RAPGEF1: variants seen among roughly 807,000 people sequenced by gnomAD.
RAPGEF1 encodes the protein CRK SH3-binding GNRP.
A neutral mutation model predicts 143.3 loss-of-function variants in RAPGEF1; 33 were observed. The ratio of observed to expected loss-of-function variants is 0.23; its 90% CI spans 0.17 to 0.31. RAPGEF1 has a LOEUF of 0.31. Ranked by LOEUF, RAPGEF1 falls within the 10% of genes least tolerant of loss-of-function variation. The pLI is 1.00. For synonymous variants in RAPGEF1, 629 were observed against 676.5 expected, an observed-to-expected ratio of 0.93 and a Z score of 1.09; for missense variants, 1,199 against 1,645.4, an observed-to-expected ratio of 0.73 and a Z score of 4.69.
At chr9:131,671,942 T>G (rs1361874988) in intron 1 of RAPGEF1, among the ~76,000 whole-genome samples, 1 of 152,224 alleles carries the variant, frequency 6.6e-6, no homozygotes, top group Non-Finnish European at 1.5e-5. Context: ...AAGGCTAATA[T>G]CGTTTCACGA....
chr9:131,608,386 T>A (rs1456177745), intron 12 of RAPGEF1, among the ~76,000 whole-genome samples: 1 of 152,206 alleles, frequency 6.6e-6, no homozygotes, highest in Non-Finnish European at 1.5e-5. Context: ...ACTGTATTAA[T>A]TAAGGTGTCT....
chr9:131,645,121 G>A (rs942021222), intron 3 of RAPGEF1, among the ~76,000 whole-genome samples: 12 of 152,176 alleles, frequency 7.9e-5, no homozygotes, highest in Non-Finnish European at 1.6e-4. Flanking sequence ...GAGGCTGGGC[G>A]CTTACTTTTC....
At chr9:131,633,352 C>CA (rs1965465667) in intron 5 of RAPGEF1, among the ~76,000 whole-genome samples, 1 of 152,120 alleles carries the variant, frequency 6.6e-6, no homozygotes, top group Non-Finnish European at 1.5e-5. Context: ...CGCCAGGCCC[C>CA]AAAGAGGAGC....
intron 1 of RAPGEF1, among the ~76,000 whole-genome samples, chr9:131,697,411 C>T (rs1049549850): frequency 6.6e-6 from 1 of 152,232 alleles, no homozygotes; most frequent in Non-Finnish European, 1.5e-5. Context: ...ACAGGACCTG[C>T]CTCCTGCTTT....
At chr9:131,582,018 T>C (rs1017426982) in intron 25 of RAPGEF1, among the ~76,000 whole-genome samples, 1 of 152,230 alleles carries the variant, frequency 6.6e-6, no homozygotes, top group African/African-American at 2.4e-5. Context: ...TACTAGTATA[T>C]ACTAAAGGCT....
At chr9:131,596,486 C>G in intron 16 of RAPGEF1, 113 bp from the exon 17 acceptor site, 1 of 1,055,132 alleles carries the variant, frequency 9.5e-7, no homozygotes, top group Non-Finnish European at 1.4e-6. Context: ...CCCCAAGTCC[C>G]CTCTCCTTCT....
chr9:131,650,906 C>T lies in RAPGEF1; in HGVS notation c.105G>A (p.Met35Ile). 6.2e-7 allele frequency: 1 copy of T among 1,613,920 alleles called. No homozygotes were observed. Among genetic ancestry groups the T allele is most frequent in the Non-Finnish European group, 8.5e-7 (1 of 1,179,816 alleles). The change falls in exon 2 of 27, where the codon ATG (methionine) becomes ATA (isoleucine). Residue 35 changes from methionine (M) to isoleucine (I), a missense_variant. This residue lies in a region of RAPGEF1 where 613 missense variants were observed against 710.9 expected (regional missense o/e 0.86). Coordinates refer to ENST00000683357, the MANE Select transcript of RAPGEF1 (RefSeq NM_001377935.1). The surrounding 1 kb of genome is among the most constrained non-coding windows in gnomAD (Gnocchi z 4.7). ...TGATTTTGGGTGAGTGGAATTTGTC[C>T]ATCAGCTTCATGGTGAAGGAAGAGA... ...SHLSSFTMKL[M>I]DKFHSPKIKR... is the part of the protein sequence containing the mutation.
chr9:131,687,632 G>A (rs756218227), intron 1 of RAPGEF1, among the ~76,000 whole-genome samples: 12 of 152,174 alleles, frequency 7.9e-5, no homozygotes, highest in Admixed American at 6.5e-5. Flanking sequence ...GGAAACGCAT[G>A]GAGGCAATGC....
At chr9:131,586,257 A>ACACAC (rs1952745410) in intron 22 of RAPGEF1, among the ~76,000 whole-genome samples, 38 of 91,416 alleles carry the variant, frequency 4.2e-4, no homozygotes, top group South Asian at 1.1e-3. Context: ...CTCTGTCTCA[A>ACACAC]ACACACACAC....
intron 24 of RAPGEF1, among the ~76,000 whole-genome samples, chr9:131,582,916 G>C (rs1952093266): frequency 1.3e-5 from 2 of 152,198 alleles, no homozygotes; most frequent in South Asian, 4.1e-4. Flanking sequence ...CCCAACCCCT[G>C]GTCACAGGGG....
intron 1 of RAPGEF1, among the ~76,000 whole-genome samples, chr9:131,709,280 A>G (rs1002972125): frequency 4.6e-5 from 7 of 152,156 alleles, no homozygotes; most frequent in Non-Finnish European, 1.0e-4. Flanking sequence ...TGGGAGGCGG[A>G]GGTTGCAGCG....
intron 1 of RAPGEF1, among the ~76,000 whole-genome samples, chr9:131,659,667 A>G: frequency 6.6e-6 from 1 of 152,180 alleles, no homozygotes; most frequent in Admixed American, 6.5e-5. Context: ...CCGTGTGTAA[A>G]GCATGTAGCC....
At chr9:131,699,445 T>C (rs1174306426) in intron 1 of RAPGEF1, among the ~76,000 whole-genome samples, 1 of 152,096 alleles carries the variant, frequency 6.6e-6, no homozygotes, top group Admixed American at 6.5e-5. Flanking sequence ...GGTTTCTCCA[T>C]GTTGGTCAAG....
In RAPGEF1 at chr9:131,598,256, G is replaced by A. The variant is rs755518512; in HGVS notation, c.2556C>T (p.Asp852=). The A allele has an allele frequency of 1.9e-5, 30 of 1,613,888 alleles. No homozygotes were observed. The highest frequency in any genetic ancestry group is 3.3e-4 in the Middle Eastern group (2 of 6,084). The change falls in exon 16 of 27, where the codon GAC becomes GAT. Residue 852 remains aspartate, a synonymous_variant. Transcript: ENST00000683357. Reference sequence around the variant, plus strand: ...CGTTGTGGTCAATGAGGGACAGCTCGTCCACTTCCTCCTCCGACTGAGCCG... The same window carrying A: ...CGTTGTGGTCAATGAGGGACAGCTCATCCACTTCCTCCTCCGACTGAGCCG... ...LESAQSEEEV[D]ELSLIDHNEI...
chr9:131,596,803 T>A (rs1955378392), intron 16 of RAPGEF1, among the ~76,000 whole-genome samples: 1 of 152,292 alleles, frequency 6.6e-6, no homozygotes, highest in Non-Finnish European at 1.5e-5. Context: ...GGACTATTTC[T>A]AAGCATGTTC....
At chr9:131,689,497 C>T (rs528061571) in intron 1 of RAPGEF1, among the ~76,000 whole-genome samples, 5 of 151,884 alleles carry the variant, frequency 3.3e-5, no homozygotes, top group East Asian at 3.9e-4. Context: ...GGTTTATAGA[C>T]GGATTAAATC....
intron 1 of RAPGEF1, among the ~76,000 whole-genome samples, chr9:131,656,785 C>A (rs1972589205): frequency 6.6e-6 from 1 of 152,214 alleles, no homozygotes; most frequent in Non-Finnish European, 1.5e-5. Flanking sequence ...GGCACTTCTG[C>A]CTATGAGCTG....
intron 12 of RAPGEF1, among the ~76,000 whole-genome samples, chr9:131,611,918 T>A (rs1392023425): frequency 6.6e-6 from 1 of 152,238 alleles, no homozygotes; most frequent in Non-Finnish European, 1.5e-5. Flanking sequence ...CGCTGTATTT[T>A]TCATGATAGG....
rs1972262243 is a variant in RAPGEF1 at position 131,655,687 on chromosome 9, C to G, written c.62-4738G>C. ...AGGAGAATGGCGTGAATCCAGGAGG[C>G]AGAGCATGCAGTGCAAGATTGCACC... On this transcript the variant is annotated intron_variant, in intron 1 of 26. Coordinates refer to ENST00000683357, the MANE Select transcript of RAPGEF1 (RefSeq NM_001377935.1). The surrounding 1 kb of genome is among the most constrained non-coding windows in gnomAD (Gnocchi z 4.1). Among the ~76,000 whole-genome samples the G allele has an allele frequency of 6.6e-6, 1 of 152,126 alleles. No homozygotes were observed. The highest frequency in any genetic ancestry group is 6.5e-5 in the Admixed American group (1 of 15,288).
Sources: gnomAD v4.1 joint callset for allele counts (sites outside exome capture counted in the v4.1 genomes callset) on GRCh38, gnomAD v4.1.1 for gene constraint, gnomAD v4.1.1 regional missense constraint, Gnocchi (gnomAD v3.1) non-coding constraint, MANE v1.5 for transcripts, NCBI Gene and HGNC (gene_info 2026-07-23, HGNC 2026-07-21) for gene names.